UTRN: variants seen among roughly 807,000 people sequenced by gnomAD.
UTRN encodes utrophin.
A neutral mutation model predicts 463.9 loss-of-function variants in UTRN; 283 were observed. The observed-to-expected ratio is 0.61, with a 90% confidence interval of 0.55 to 0.67. The LOEUF is 0.67. Ranked by LOEUF, UTRN falls within the 30% of genes least tolerant of loss-of-function variation. The pLI is 0.00. For missense variants in UTRN, 3,922 were observed against 4,084.3 expected (o/e 0.96, Z 1.08); for synonymous variants, 1,442 against 1,431.5 (o/e 1.01, Z -0.17).
intron 2 of UTRN, among the ~76,000 whole-genome samples, chr6:144,295,156 T>C (rs1804568518): frequency 6.6e-6 from 1 of 152,336 alleles, no homozygotes; most frequent in East Asian, 1.9e-4. Context: ...TTTTAAAAAG[T>C]GAAATTTATT....
intron 50 of UTRN, among the ~76,000 whole-genome samples, chr6:144,562,573 A>G (rs773081425): frequency 6.6e-6 from 1 of 152,188 alleles, no homozygotes; most frequent in South Asian, 2.1e-4. Flanking sequence ...CTCGGTATAT[A>G]GGTACCACAT....
intron 47 of UTRN, among the ~76,000 whole-genome samples, chr6:144,550,717 G>C: frequency 6.6e-6 from 1 of 151,948 alleles, no homozygotes; most frequent in Admixed American, 6.6e-5. Flanking sequence ...TTTCTTTTTT[G>C]TGAAAACAAA....
intron 54 of UTRN, among the ~76,000 whole-genome samples, chr6:144,732,479 C>T (rs996055423): frequency 2.0e-5 from 3 of 151,624 alleles, no homozygotes; most frequent in Non-Finnish European, 4.4e-5. Context: ...GTGTGCAACA[C>T]GTAGTATTTG....
At chr6:144,419,304 T>G (rs1285951644) in intron 3 of UTRN, among the ~76,000 whole-genome samples, 1 of 152,254 alleles carries the variant, frequency 6.6e-6, no homozygotes, top group African/African-American at 2.4e-5. Flanking sequence ...AAAATCTCTT[T>G]GTCCCTGAAT....
At chr6:144,753,121 C>A (rs17074125) in intron 56 of UTRN, among the ~76,000 whole-genome samples, 21,439 of 152,106 alleles carry the variant, frequency 0.14, 3,147 homozygotes, top group African/African-American at 0.38. Flanking sequence ...GGGAATCAGA[C>A]ATACACAGTT....
chr6:144,424,118 A>T, intron 6 of UTRN, 40 bp downstream of exon 6: 1 of 1,594,482 alleles, frequency 6.3e-7, no homozygotes, highest in Non-Finnish European at 8.6e-7. Flanking sequence ...GAGATGGAAA[A>T]TGTGTTGTTT....
intron 2 of UTRN, among the ~76,000 whole-genome samples, chr6:144,363,909 A>G (rs1216740492): frequency 6.6e-6 from 1 of 152,246 alleles, no homozygotes; most frequent in Non-Finnish European, 1.5e-5. Context: ...CCTGTAGCAT[A>G]TAGATGTATC....
At chr6:144,326,056 A>G (rs898474853) in intron 2 of UTRN, among the ~76,000 whole-genome samples, 1 of 152,234 alleles carries the variant, frequency 6.6e-6, no homozygotes, top group African/African-American at 2.4e-5. Context: ...TTAGAAATGC[A>G]TAATCTATTG....
intron 54 of UTRN, among the ~76,000 whole-genome samples, chr6:144,731,666 G>A (rs1788536073): frequency 1.3e-5 from 2 of 152,040 alleles, no homozygotes; most frequent in African/African-American, 4.8e-5. Flanking sequence ...GAAACTAGTT[G>A]TATATATGTG....
At chr6:144,361,970 G>C (rs1779120024) in intron 2 of UTRN, among the ~76,000 whole-genome samples, 1 of 151,336 alleles carries the variant, frequency 6.6e-6, no homozygotes. Flanking sequence ...CCTTTTTGCT[G>C]CCACTTTCTT....
chr6:144,393,455 G>A (rs1782117791), intron 2 of UTRN, among the ~76,000 whole-genome samples: 1 of 152,196 alleles, frequency 6.6e-6, no homozygotes, highest in Non-Finnish European at 1.5e-5. Flanking sequence ...ATCTTCTAAA[G>A]TATATTATAG....
intron 50 of UTRN, among the ~76,000 whole-genome samples, chr6:144,571,293 A>G (rs183546394): frequency 8.5e-5 from 13 of 152,276 alleles, no homozygotes; most frequent in Admixed American, 7.2e-4. Context: ...CACCAACAAC[A>G]ACTACTCAAA....
chr6:144,798,018 T>C (rs569909057), intron 64 of UTRN, 28 bp downstream of exon 64: 1 of 1,613,408 alleles, frequency 6.2e-7, no homozygotes, highest in East Asian at 2.2e-5. Flanking sequence ...TGGAGGAGGC[T>C]ATTTTCTGTT....
chr6:144,747,254 A>G (rs1443248817), intron 54 of UTRN, among the ~76,000 whole-genome samples: 3 of 152,210 alleles, frequency 2.0e-5, no homozygotes, highest in Admixed American at 1.3e-4. Context: ...AGTTTATGTC[A>G]ATTGCACTGC....
At chr6:144,649,600 G>A (rs181998002) in intron 51 of UTRN, among the ~76,000 whole-genome samples, 28 of 152,178 alleles carry the variant, frequency 1.8e-4, no homozygotes, top group Admixed American at 1.4e-3. Context: ...AAAGAAACAG[G>A]GAATGATACG....
At chr6:144,543,611 C>A (rs9497000) in intron 46 of UTRN, among the ~76,000 whole-genome samples, 3,745 of 152,192 alleles carry the variant, frequency 0.025, 159 homozygotes, top group African/African-American at 0.084. Flanking sequence ...TTTTCTTCTC[C>A]CTTGTCCTTC....
At chr6:144,502,759 T>C (rs1368130571) in intron 34 of UTRN, among the ~76,000 whole-genome samples, 1 of 152,198 alleles carries the variant, frequency 6.6e-6, no homozygotes, top group Non-Finnish European at 1.5e-5. Flanking sequence ...TATAATCCTT[T>C]GAGTATATAC....
intron 53 of UTRN, among the ~76,000 whole-genome samples, chr6:144,719,738 A>G (rs1786903909): frequency 6.6e-6 from 1 of 152,244 alleles, no homozygotes; most frequent in South Asian, 2.1e-4. Flanking sequence ...GGGAGGGTCC[A>G]GACCTTGGTA....
At chr6:144,629,759 G>A (rs566510783) in intron 51 of UTRN, among the ~76,000 whole-genome samples, 4 of 152,328 alleles carry the variant, frequency 2.6e-5, no homozygotes, top group Admixed American at 2.0e-4. Flanking sequence ...GCATGATTTA[G>A]ATATGTGAAA....
Sources: allele counts gnomAD v4.1 joint callset (sites outside exome capture counted in the v4.1 genomes callset), GRCh38; gene constraint gnomAD v4.1.1; transcripts MANE v1.5; gene names NCBI Gene and HGNC (gene_info 2026-07-23, HGNC 2026-07-21).